Variants in VPS13B observed in about 807,000 individuals in gnomAD.
VPS13B encodes vacuolar protein sorting 13 homolog B.
Under a neutral mutation model 426.4 loss-of-function variants are expected in VPS13B, and 285 were observed. The observed-to-expected ratio is 0.67, with a 90% CI of 0.61 to 0.74. The LOEUF (loss-of-function observed/expected upper bound fraction) is 0.74. Ranked by LOEUF, VPS13B falls within the 30% of genes least tolerant of loss-of-function variation. VPS13B has a pLI of 0.00. For missense variants in VPS13B, 4,537 were observed against 4,782.6 expected, an observed-to-expected ratio of 0.95 and a Z score of 1.51; for synonymous variants, 1,676 against 1,676.4, an observed-to-expected ratio of 1.00 and a Z score of 0.01.
chr8:99,339,604 G>A (rs76961463), intron 19 of VPS13B, among the ~76,000 whole-genome samples: 9 of 150,116 alleles, frequency 6.0e-5, no homozygotes, highest in East Asian at 3.9e-4. Flanking sequence ...TCCAAACCAC[G>A]TCAGTTTTTT....
chr8:99,418,130 G>A (rs1487835244), intron 21 of VPS13B, among the ~76,000 whole-genome samples: 1 of 151,970 alleles, frequency 6.6e-6, no homozygotes, highest in African/African-American at 2.4e-5. Flanking sequence ...ATGAGGACTG[G>A]GATTGTGTTT....
chr8:99,099,933 A>G (rs1011671608), intron 4 of VPS13B, among the ~76,000 whole-genome samples: 4 of 152,194 alleles, frequency 2.6e-5, no homozygotes, highest in African/African-American at 9.7e-5. Flanking sequence ...TACATCTTGT[A>G]GGTTCTCATC....
intron 17 of VPS13B, among the ~76,000 whole-genome samples, chr8:99,207,026 A>C (rs1285188320): frequency 1.3e-5 from 2 of 152,178 alleles, no homozygotes; most frequent in East Asian, 3.8e-4. Context: ...TTTAAATTGG[A>C]GTAAAAAGAC....
intron 16 of VPS13B, among the ~76,000 whole-genome samples, chr8:99,178,301 T>TC (rs1812751157): frequency 9.2e-6 from 1 of 108,988 alleles, no homozygotes; most frequent in Admixed American, 1.0e-4. Flanking sequence ...ATGCTATCCC[T>TC]CCCCCCTCCC....
At chr8:99,050,015 T>C (rs898743779) in intron 3 of VPS13B, among the ~76,000 whole-genome samples, 1 of 151,808 alleles carries the variant, frequency 6.6e-6, no homozygotes, top group African/African-American at 2.4e-5. Flanking sequence ...TTTTAACTTT[T>C]GTATTTTTAT....
At chr8:99,124,981 G>C (rs1279508198) in intron 8 of VPS13B, among the ~76,000 whole-genome samples, 1 of 150,912 alleles carries the variant, frequency 6.6e-6, no homozygotes, top group South Asian at 2.1e-4. Context: ...AGACACAAAA[G>C]GACAAATATT....
At chr8:99,579,544 C>T (rs1029662849) in intron 33 of VPS13B, among the ~76,000 whole-genome samples, 1 of 151,950 alleles carries the variant, frequency 6.6e-6, no homozygotes, top group African/African-American at 2.4e-5. Flanking sequence ...ATTACAGGTG[C>T]CTGCCACCAT....
intron 43 of VPS13B, among the ~76,000 whole-genome samples, chr8:99,785,406 T>C (rs1267745546): frequency 6.6e-6 from 1 of 152,168 alleles, no homozygotes; most frequent in Non-Finnish European, 1.5e-5. Context: ...TTCTTGTTTT[T>C]TCATCAGATT....
chr8:99,023,608 G>C (rs1373690386), intron 2 of VPS13B, among the ~76,000 whole-genome samples: 1 of 151,836 alleles, frequency 6.6e-6, no homozygotes, highest in African/African-American at 2.4e-5. Flanking sequence ...AGCCTCCCAA[G>C]TAGCTGGGAC....
At chr8:99,645,279 A>G (rs985141937) in intron 34 of VPS13B, among the ~76,000 whole-genome samples, 5 of 152,328 alleles carry the variant, frequency 3.3e-5, no homozygotes, top group African/African-American at 1.2e-4. Flanking sequence ...CTATATCATT[A>G]TGCACTTATG....
intron 3 of VPS13B, among the ~76,000 whole-genome samples, chr8:99,070,334 G>A (rs1457460694): frequency 6.6e-6 from 1 of 152,156 alleles, no homozygotes; most frequent in Non-Finnish European, 1.5e-5. Context: ...TAAATATTTT[G>A]AAGTGTTTTG....
intron 19 of VPS13B, among the ~76,000 whole-genome samples, chr8:99,318,153 G>A (rs1223285119): frequency 1.3e-5 from 2 of 152,054 alleles, no homozygotes; most frequent in East Asian, 1.9e-4. Context: ...TATTGGATGG[G>A]GTAATATTTG....
At chr8:99,521,425 T>C (rs1316818584) in intron 30 of VPS13B, among the ~76,000 whole-genome samples, 2 of 152,186 alleles carry the variant, frequency 1.3e-5, no homozygotes, top group Non-Finnish European at 2.9e-5. Flanking sequence ...AATGTGGATG[T>C]CATATGGATC....
In VPS13B at chr8:99,337,887, G is replaced by A. The variant is rs771087009; in HGVS notation, c.2825-46321G>A. Among the ~76,000 whole-genome samples the A allele has an allele frequency of 5.1e-4, 77 of 151,996 alleles. 1 individual carries two copies. The Middle Eastern group carries it at 0.014, about 27-fold the overall frequency. On this transcript the variant is annotated intron_variant, in intron 19 of 61. Coordinates refer to ENST00000357162, the MANE Select transcript of VPS13B (RefSeq NM_152564.5). The stretch of plus-strand genomic sequence containing the variant: ...AAAAAATCAAGTTTTATAAATAGTT[G>A]TGAGGTAGAGATCAAGTTTTTGTTT...
At chr8:99,359,193 A>G (rs1201507100) in intron 19 of VPS13B, among the ~76,000 whole-genome samples, 2 of 152,194 alleles carry the variant, frequency 1.3e-5, no homozygotes, top group Non-Finnish European at 2.9e-5. Context: ...TTAAAACACA[A>G]TTTTAATGTT....
At chr8:99,050,976 AG>A (rs1199443655) in intron 3 of VPS13B, among the ~76,000 whole-genome samples, 1 of 151,998 alleles carries the variant, frequency 6.6e-6, no homozygotes, top group African/African-American at 2.4e-5. Context: ...CCCATTCTGT[AG>A]GTTGTCTGTT....
chr8:99,602,916 G>A (rs141076165), intron 33 of VPS13B, among the ~76,000 whole-genome samples: 1,931 of 152,252 alleles, frequency 0.013, 48 homozygotes, highest in African/African-American at 0.044. Flanking sequence ...CATGTTCATG[G>A]ATAGGAAGCA....
chr8:99,303,104 C>A (rs1268893709), intron 19 of VPS13B, among the ~76,000 whole-genome samples: 1 of 151,686 alleles, frequency 6.6e-6, no homozygotes, highest in Non-Finnish European at 1.5e-5. Context: ...CACGGTGAAA[C>A]CCCTTCTCTA....
chr8:99,866,244 A>G (rs1332108407), intron 58 of VPS13B, among the ~76,000 whole-genome samples: 1 of 152,222 alleles, frequency 6.6e-6, no homozygotes, highest in African/African-American at 2.4e-5. Flanking sequence ...TTAGCTGGAT[A>G]TACTTCAGAG....
Sources: allele counts gnomAD v4.1 joint callset (sites outside exome capture counted in the v4.1 genomes callset), GRCh38; gene constraint gnomAD v4.1.1; transcripts MANE v1.5; gene names NCBI Gene and HGNC (gene_info 2026-07-23, HGNC 2026-07-21).